COCH: variants seen among roughly 807,000 people sequenced by gnomAD.
The protein encoded by COCH is cochlin.
COCH carries 40 observed loss-of-function variants against 54.8 expected under a neutral mutation model. That is an observed-to-expected ratio of 0.73 (90% CI 0.57 to 0.95). The LOEUF (loss-of-function observed/expected upper bound fraction) is 0.95, where lower values mean the gene tolerates loss of function less well. Among genes scored for constraint, COCH ranks in the 40% least tolerant of loss-of-function variants. COCH has a pLI of 0.00. For synonymous variants in COCH, 256 were observed against 237.9 expected, an observed-to-expected ratio of 1.08 and a Z score of -0.70; for missense variants, 605 against 675.0, an observed-to-expected ratio of 0.90 and a Z score of 1.15.
chr14:30,882,128 T>TTTTTTTTTTTG (rs1205778990), intron 8 of COCH, among the ~76,000 whole-genome samples: 27 of 101,656 alleles, frequency 2.7e-4, no homozygotes, highest in Non-Finnish European at 1.0e-4. Context: ...TGGTTTTTTT[T>TTTTTTTTTTTG]TTTTTTTTTT....
rs1895781360 is a variant in COCH at position 30,886,090 on chromosome 14, T to A, written c.1255T>A (p.Phe419Ile). 1 of 1,614,068 alleles carries A rather than the reference T, an allele frequency of 6.2e-7. No individual in the cohort carries two copies. The highest frequency in any genetic ancestry group is 8.5e-7 in the Non-Finnish European group (1 of 1,180,028). ...VQFTYDQRTE[F>I]SFTDYSTKEN... ...GTTTACTTATGATCAGCGCACGGAG[T>A]TCAGTTTCACTGACTATAGCACCAA... Residue 419 changes from phenylalanine to isoleucine, a missense_variant, in exon 11 of 12, where the codon TTC becomes ATC. Physicochemically the swap from Phe to Ile is conservative, Grantham distance 21 (BLOSUM62 0). Transcript: ENST00000396618.
At position 30,890,069 on chromosome 14, in the gene COCH, A is replaced by G. The variant is rs1006385781; in HGVS notation, c.*278A>G. The G allele has an allele frequency of 9.0e-7, 1 of 1,112,264 alleles. No individual in the cohort carries two copies. Among genetic ancestry groups the G allele is most frequent in the African/African-American group, 1.6e-5 (1 of 62,084 alleles). The allele number at this position is 1,112,264 out of a possible 1,614,324, so 68.9% of individuals were successfully genotyped here. Reference sequence around the variant, plus strand: ...GTGGATTAAAACCTTAAGAGTTCTAACCATGCCTACTAAATGTACAGATAT... The same window carrying G: ...GTGGATTAAAACCTTAAGAGTTCTAGCCATGCCTACTAAATGTACAGATAT... On this transcript the variant is annotated 3_prime_UTR_variant, in exon 12 of 12. Coordinates refer to ENST00000396618, the MANE Select transcript of COCH (RefSeq NM_004086.3).
At chr14:30,894,771 C>A, downstream of COCH, 1 of 219,402 alleles carries the variant, frequency 4.6e-6, no homozygotes. Flanking sequence ...AGAAAAACTT[C>A]AATACAATCT....
At chr14:30,875,022 G>C in intron 2 of COCH, 34 bp from the exon 3 acceptor site, 1 of 1,612,690 alleles carries the variant, frequency 6.2e-7, no homozygotes, top group Non-Finnish European at 8.5e-7. Flanking sequence ...CTGGGTGGAG[G>C]CTGGAGCCAG....
chr14:30,889,890 T>C lies in COCH; in HGVS notation c.*99T>C, dbSNP rs951039511. ...AATGCTTTAGCATACTAGAATCAGA[T>C]ACAAAACTATTAAGTATGTCAACAG... On this transcript the variant is annotated 3_prime_UTR_variant, in exon 12 of 12. Transcript: ENST00000396618. 13 of 1,477,998 alleles carry C rather than the reference T, an allele frequency of 8.8e-6. No homozygotes were observed. Among genetic ancestry groups the C allele is most frequent in the Non-Finnish European group, 1.2e-5 (13 of 1,115,318 alleles). 91.6% of individuals were successfully genotyped at this position (1,477,998 alleles called of 1,614,324 possible). A position where few individuals can be genotyped will look rare whatever the true frequency, so the allele number is the denominator to read the frequency against.
At chr14:30,885,047 A>G (rs1469032690) in intron 9 of COCH, 1 of 1,595,978 alleles carries the variant, frequency 6.3e-7, no homozygotes, top group African/African-American at 1.3e-5. Flanking sequence ...TAGAGGTACT[A>G]ATCAGTCACC....
intron 11 of COCH, among the ~76,000 whole-genome samples, chr14:30,888,263 GGAGT>G (rs1012397484): frequency 6.6e-6 from 1 of 151,670 alleles, no homozygotes; most frequent in African/African-American, 2.4e-5. Flanking sequence ...TTTTAACCAG[GGAGT>G]GAGAGTCAGG....
At chr14:30,881,978 AAAAT>A (rs141793202) in intron 8 of COCH, among the ~76,000 whole-genome samples, 46,422 of 149,634 alleles carry the variant, frequency 0.31, 8,703 homozygotes, top group African/African-American at 0.54. Flanking sequence ...AATAAAAATA[AAAAT>A]AAATAAATAA....
chr14:30,875,963 G>A, intron 3 of COCH: 1 of 152,132 alleles, frequency 6.6e-6, no homozygotes, highest in East Asian at 1.9e-4. Context: ...CAGCTCTCTA[G>A]ACTGCTTCAG....
Position 30,874,601 on chromosome 14 carries a change from CCCGGGCG to C in COCH, c.-24+11_-24+17del. The C allele has an allele frequency of 4.1e-6, 2 of 490,162 alleles. No individual in the cohort carries two copies. The highest frequency in any genetic ancestry group is 3.9e-5 in the East Asian group (1 of 25,674). 30.4% of individuals were successfully genotyped at this position (490,162 alleles called of 1,614,324 possible). On this transcript the variant is annotated intron_variant, in intron 1 of 11. Transcript: ENST00000396618. ...GGTGGATCTCGAGCAGGTGCGGAGCCCCGGGCGGCGGGCGCGGGTGCGAGGGATCCCT... is the reference window on the plus strand; with the variant it reads ...GGTGGATCTCGAGCAGGTGCGGAGCCGCGGGCGCGGGTGCGAGGGATCCCT...
rs977512482 is a variant in COCH at position 30,890,052 on chromosome 14, A to G, written c.*261A>G. 2 of 1,169,010 alleles carry G rather than the reference A, an allele frequency of 1.7e-6. No homozygotes were observed. The highest frequency in any genetic ancestry group is 2.1e-6 in the Non-Finnish European group (2 of 942,658). 72.4% of individuals were successfully genotyped at this position (1,169,010 alleles called of 1,614,324 possible). On this transcript the variant is annotated 3_prime_UTR_variant, in exon 12 of 12. Transcript: ENST00000396618. ...AGGAAAGAGGAGATAATGTGGATTA[A>G]AACCTTAAGAGTTCTAACCATGCCT...
At chr14:30,895,320 G>A (rs553458693), downstream of COCH, 51 of 1,328,736 alleles carry the variant, frequency 3.8e-5, no homozygotes, top group Middle Eastern at 1.9e-4. Context: ...CAGATCACAT[G>A]TAGTGTCATA....
rs1895306172 is a variant in COCH at position 30,875,097 on chromosome 14, G to A, written c.76G>A (p.Gly26Arg). 1 of 1,572,854 alleles carries A rather than the reference G, an allele frequency of 6.4e-7. No individual in the cohort carries two copies. The highest frequency in any genetic ancestry group is 1.3e-5 in the African/African-American group (1 of 74,136). Residue 26 changes from glycine (G) to arginine (R), a missense_variant, in exon 3 of 12, where the codon GGA becomes AGA. Coordinates refer to ENST00000396618, the MANE Select transcript of COCH (RefSeq NM_004086.3). ...LLLPGPAGSE[G>R]AAPIAITCFT... ...GCTGCCGGGGCCCGCGGGCAGCGAG[G>A]GAGCCGGTGAGTGGGGGAGCTGGGG...
At chr14:30,885,013 C>G (rs771325295) in intron 9 of COCH, 13 of 1,598,174 alleles carry the variant, frequency 8.1e-6, no homozygotes, top group Non-Finnish European at 1.1e-5. Flanking sequence ...GTAGCACTAC[C>G]GTTGACTCTG....
chr14:30,883,682 G>T (rs929322922), intron 8 of COCH, among the ~76,000 whole-genome samples: 1 of 152,108 alleles, frequency 6.6e-6, no homozygotes, highest in Non-Finnish European at 1.5e-5. Flanking sequence ...TTTTGCACTA[G>T]GAAATACTGA....
chr14:30,883,693 C>T (rs141279996), intron 8 of COCH, among the ~76,000 whole-genome samples: 10 of 152,238 alleles, frequency 6.6e-5, no homozygotes, highest in African/African-American at 1.9e-4. Flanking sequence ...GAAATACTGA[C>T]TCATCTAGAA....
At chr14:30,890,954 G>A (rs555665368), downstream of COCH, among the ~76,000 whole-genome samples, 3 of 151,972 alleles carry the variant, frequency 2.0e-5, no homozygotes, top group Admixed American at 6.6e-5. Flanking sequence ...TGGGAGGACT[G>A]CTTGAGCCGA....
In COCH at chr14:30,889,715, A is replaced by T; in HGVS notation, c.1577A>T (p.Glu526Val). ...PKESHAFFTR[E>V]FTGLEPIVSD... ...GAGTCTCATGCTTTCTTCACAAGAG[A>T]GTTCACAGGATTAGAACCAATTGTT... Residue 526 changes from glutamate (E) to valine (V), a missense_variant, in exon 12 of 12, where the codon GAG (glutamate) becomes GTG (valine). Transcript: ENST00000396618. 2 of 1,614,092 alleles carry T rather than the reference A, an allele frequency of 1.2e-6. No individual in the cohort carries two copies. Among genetic ancestry groups the T allele is most frequent in the Non-Finnish European group, 1.7e-6 (2 of 1,179,944 alleles).
rs2138874488 is a variant in COCH at position 30,885,413 on chromosome 14, T to A, written c.753T>A (p.Thr251=). The A allele has an allele frequency of 3.7e-6, 6 of 1,614,056 alleles. No homozygotes were observed. The East Asian group carries it at 1.3e-4, about 36-fold the overall frequency. The part of the protein sequence containing the change: ...NSNTGKALKH[T]AQKFFTVDAG... ...ATTTAGGAAAAGCCTTGAAGCATAC[T>A]GCTCAGAAATTCTTCACGGTAGATG... Residue 251 remains threonine, a synonymous_variant, in exon 10 of 12, where the codon ACT becomes ACA. Transcript: ENST00000396618.
Sources: allele counts gnomAD v4.1 joint callset (sites outside exome capture counted in the v4.1 genomes callset), GRCh38; gene constraint gnomAD v4.1.1; transcripts MANE v1.5; gene names NCBI Gene and HGNC (gene_info 2026-07-23, HGNC 2026-07-21).